Variants in FAM184B observed in about 807,000 individuals in gnomAD.
FAM184B encodes family with sequence similarity 184 member B.
A neutral mutation model predicts 135.9 loss-of-function variants in FAM184B; 111 were observed. The observed-to-expected ratio is 0.82, with a 90% CI of 0.70 to 0.96. The LOEUF (loss-of-function observed/expected upper bound fraction) is 0.96, where lower values mean the gene tolerates loss of function less well. Among genes scored for constraint, FAM184B ranks in the 40% least tolerant of loss-of-function variants. The pLI, the probability that FAM184B is intolerant of heterozygous loss-of-function variation, is 0.00. For synonymous variants in FAM184B, 552 were observed against 524.8 expected, an observed-to-expected ratio of 1.05 and a Z score of -0.71; for missense variants, 1,375 against 1,323.9, an observed-to-expected ratio of 1.04 and a Z score of -0.60.
chr4:17,748,896 A>G (rs1293887731), intron 1 of FAM184B, among the ~76,000 whole-genome samples: 1 of 151,812 alleles, frequency 6.6e-6, no homozygotes, highest in Non-Finnish European at 1.5e-5. Flanking sequence ...GGGTGCAATC[A>G]TAGCTCACTG....
At chr4:17,686,719 A>T (rs1716598821) in intron 7 of FAM184B, among the ~76,000 whole-genome samples, 1 of 152,224 alleles carries the variant, frequency 6.6e-6, no homozygotes, top group Non-Finnish European at 1.5e-5. Context: ...AGAAAGGAGG[A>T]TCACCTGAGG....
At chr4:17,690,431 T>C (rs557044304) in intron 6 of FAM184B, among the ~76,000 whole-genome samples, 2 of 152,114 alleles carry the variant, frequency 1.3e-5, no homozygotes, top group East Asian at 1.9e-4. Flanking sequence ...GTGAAGAAGA[T>C]GGGGATTCAA....
intron 1 of FAM184B, among the ~76,000 whole-genome samples, chr4:17,755,783 T>C (rs1349896482): frequency 6.6e-6 from 1 of 152,158 alleles, no homozygotes; most frequent in Non-Finnish European, 1.5e-5. Context: ...CTGGAAGCCG[T>C]TATCCTCAGC....
intron 7 of FAM184B, among the ~76,000 whole-genome samples, chr4:17,684,208 T>A (rs1033550828): frequency 8.0e-6 from 1 of 125,424 alleles, no homozygotes; most frequent in African/African-American, 2.6e-5. Flanking sequence ...ATATAAAAAA[T>A]AATAATATAA....
intron 1 of FAM184B, among the ~76,000 whole-genome samples, chr4:17,718,548 T>C (rs2108970958): frequency 6.6e-6 from 1 of 152,352 alleles, no homozygotes; most frequent in African/African-American, 2.4e-5. Flanking sequence ...CCATGGTCTG[T>C]GGATGGCATT....
At chr4:17,731,488 C>A (rs1479548420) in intron 1 of FAM184B, among the ~76,000 whole-genome samples, 5 of 151,954 alleles carry the variant, frequency 3.3e-5, no homozygotes, top group Non-Finnish European at 7.4e-5. Flanking sequence ...GGAAGATCTA[C>A]CAAGCAAATG....
At chr4:17,704,277 A>G (rs1717057776) in intron 5 of FAM184B, among the ~76,000 whole-genome samples, 1 of 152,206 alleles carries the variant, frequency 6.6e-6, no homozygotes, top group African/African-American at 2.4e-5. Context: ...CACATATGTT[A>G]CTTACTTATT....
chr4:17,699,579 C>T (rs1716939040), intron 5 of FAM184B, among the ~76,000 whole-genome samples: 1 of 151,996 alleles, frequency 6.6e-6, no homozygotes, highest in Non-Finnish European at 1.5e-5. Flanking sequence ...GAAAAAACAA[C>T]TGTCAACCTA....
At chr4:17,694,601 G>C (rs1716812548) in intron 5 of FAM184B, among the ~76,000 whole-genome samples, 1 of 151,998 alleles carries the variant, frequency 6.6e-6, no homozygotes, top group Non-Finnish European at 1.5e-5. Flanking sequence ...CAAGTATCTA[G>C]AGGAGTGAAT....
chr4:17,657,147 A>T (rs549891664), intron 10 of FAM184B, among the ~76,000 whole-genome samples: 2 of 152,288 alleles, frequency 1.3e-5, no homozygotes, highest in Admixed American at 1.3e-4. Context: ...TTTTCCTTGC[A>T]TTAGTAAATG....
chr4:17,688,873 A>G (rs369626250), intron 6 of FAM184B, among the ~76,000 whole-genome samples: 1 of 151,722 alleles, frequency 6.6e-6, no homozygotes, highest in Non-Finnish European at 1.5e-5. Flanking sequence ...TTGTATTTTT[A>G]GTAGAAACGG....
Position 17,632,460 on chromosome 4 carries a change from T to G in FAM184B, c.*72A>C. 1 of 1,287,658 alleles carries G rather than the reference T, an allele frequency of 7.8e-7. No homozygotes were observed. 79.8% of individuals were successfully genotyped at this position (1,287,658 alleles called of 1,614,324 possible). Reference sequence around the variant, plus strand: ...TATTATTTGGTTGGTTGGTGTTAGTTCATTCCTTCAATCGGATGATTTAAA... The same window carrying G: ...TATTATTTGGTTGGTTGGTGTTAGTGCATTCCTTCAATCGGATGATTTAAA... On this transcript the variant is annotated 3_prime_UTR_variant, in exon 18 of 18. Coordinates refer to ENST00000265018, the MANE Select transcript of FAM184B (RefSeq NM_015688.2).
chr4:17,759,647 C>T (rs1718498339), intron 1 of FAM184B, among the ~76,000 whole-genome samples: 1 of 152,090 alleles, frequency 6.6e-6, no homozygotes, highest in South Asian at 2.1e-4. Flanking sequence ...CATCCACCAC[C>T]ACATCCAGCT....
At chr4:17,754,909 T>C (rs1189094960) in intron 1 of FAM184B, among the ~76,000 whole-genome samples, 1 of 152,130 alleles carries the variant, frequency 6.6e-6, no homozygotes, top group Non-Finnish European at 1.5e-5. Flanking sequence ...GGTCTGGCTC[T>C]GTCACCCAGG....
At chr4:17,749,743 C>T (rs557206893) in intron 1 of FAM184B, among the ~76,000 whole-genome samples, 4 of 152,296 alleles carry the variant, frequency 2.6e-5, no homozygotes, top group Non-Finnish European at 5.9e-5. Flanking sequence ...CAATCCCCTT[C>T]AGTACAAAGG....
intron 7 of FAM184B, among the ~76,000 whole-genome samples, chr4:17,667,612 C>A (rs565838396): frequency 1.4e-4 from 22 of 152,198 alleles, no homozygotes; most frequent in Non-Finnish European, 3.1e-4. Flanking sequence ...GCTCTGCCTC[C>A]CGCAGCTTTT....
At chr4:17,642,653 C>T (rs1226692165) in intron 12 of FAM184B, among the ~76,000 whole-genome samples, 1 of 152,208 alleles carries the variant, frequency 6.6e-6, no homozygotes, top group Admixed American at 6.5e-5. Flanking sequence ...CCAAATCTTG[C>T]TAACTCTGGC....
At chr4:17,660,581 T>C (rs1715893980) in intron 8 of FAM184B, among the ~76,000 whole-genome samples, 1 of 152,020 alleles carries the variant, frequency 6.6e-6, no homozygotes, top group African/African-American at 2.4e-5. Context: ...AATAGGGGGA[T>C]TATAAATAGG....
intron 7 of FAM184B, among the ~76,000 whole-genome samples, chr4:17,684,619 G>C (rs1254756263): frequency 1.3e-5 from 2 of 152,206 alleles, no homozygotes; most frequent in East Asian, 1.9e-4. Context: ...CACATGCCAG[G>C]TATTGCACAC....
Sources: allele counts gnomAD v4.1 joint callset (sites outside exome capture counted in the v4.1 genomes callset), GRCh38; gene constraint gnomAD v4.1.1; transcripts MANE v1.5; gene names NCBI Gene and HGNC (gene_info 2026-07-23, HGNC 2026-07-21).